The following SGSM1 variants were observed in gnomAD, a reference collection of about 807,000 sequenced individuals.
SGSM1 encodes the protein RUN and TBC1 domain containing 2.
A neutral mutation model predicts 133.8 loss-of-function variants in SGSM1; 73 were observed. The observed-to-expected ratio is 0.55, with a 90% CI of 0.45 to 0.66. The LOEUF is 0.66. Ranked by LOEUF, SGSM1 falls within the 30% of genes least tolerant of loss-of-function variation. SGSM1 has a pLI of 0.00. For synonymous variants in SGSM1, 563 were observed against 573.0 expected, an observed-to-expected ratio of 0.98 and a Z score of 0.25; for missense variants, 1,213 against 1,448.1, an observed-to-expected ratio of 0.84 and a Z score of 2.64.
At chr22:24,837,112 C>T (rs1448550090) in intron 2 of SGSM1, among the ~76,000 whole-genome samples, 4 of 152,114 alleles carry the variant, frequency 2.6e-5, no homozygotes, top group East Asian at 1.9e-4. Context: ...CAGCTGGGCC[C>T]GGGGGACCAC....
chr22:24,821,091 C>T (rs994771648), intron 2 of SGSM1, among the ~76,000 whole-genome samples: 3 of 152,202 alleles, frequency 2.0e-5, no homozygotes, highest in South Asian at 2.1e-4. Context: ...GGCTGGAGCG[C>T]AATGGCGTGA....
intron 15 of SGSM1, 130 bp downstream of exon 15, chr22:24,884,328 G>A: frequency 8.2e-7 from 1 of 1,219,772 alleles, no homozygotes; most frequent in Non-Finnish European, 1.1e-6. Context: ...TATGCAAATT[G>A]GAGTTCCCCT....
chr22:24,902,343 A>G (rs896183257), intron 20 of SGSM1, among the ~76,000 whole-genome samples: 2 of 152,172 alleles, frequency 1.3e-5, no homozygotes, highest in East Asian at 3.9e-4. Context: ...ATTTTTCTTT[A>G]AGCCAAGATC....
At chr22:24,817,388 C>CT (rs1928159472) in intron 2 of SGSM1, among the ~76,000 whole-genome samples, 1 of 151,026 alleles carries the variant, frequency 6.6e-6, no homozygotes, top group Non-Finnish European at 1.5e-5. Context: ...GAGTCTCACT[C>CT]TGTCGCCAGG....
intron 23 of SGSM1, among the ~76,000 whole-genome samples, chr22:24,918,645 C>A (rs1933902383): frequency 6.6e-6 from 1 of 152,130 alleles, no homozygotes; most frequent in Non-Finnish European, 1.5e-5. Context: ...GAAGAAGTAA[C>A]TACCCCAGGC....
At chr22:24,862,829 A>G (rs1036322176) in intron 9 of SGSM1, among the ~76,000 whole-genome samples, 1 of 152,116 alleles carries the variant, frequency 6.6e-6, no homozygotes, top group Non-Finnish European at 1.5e-5. Flanking sequence ...CACCTCAATG[A>G]GCCTCAGGGT....
intron 2 of SGSM1, among the ~76,000 whole-genome samples, chr22:24,809,004 A>G (rs772822634): frequency 7.2e-5 from 11 of 152,230 alleles, no homozygotes; most frequent in Non-Finnish European, 1.0e-4. Flanking sequence ...TGTACAGATG[A>G]GAACACTGTG....
In SGSM1 at chr22:24,874,161, G is replaced by T. The variant is rs1931902395; in HGVS notation, c.1292-2416G>T. Among the ~76,000 whole-genome samples, 3 of 152,196 alleles carry T rather than the reference G, an allele frequency of 2.0e-5. No individual in the cohort carries two copies. The South Asian group carries it at 6.2e-4, about 32-fold the overall frequency. On this transcript the variant is annotated intron_variant, in intron 12 of 24. Coordinates refer to ENST00000400358, the MANE Select transcript of SGSM1 (RefSeq NM_001098497.3). ...AGAGGGAGGATGCATCCCTCACAGG[G>T]TCGTGAAGAACAATAACTGGTTTCC...
At chr22:24,903,402 T>G (rs2123715346) in intron 20 of SGSM1, among the ~76,000 whole-genome samples, 1 of 151,682 alleles carries the variant, frequency 6.6e-6, no homozygotes, top group East Asian at 2.0e-4. Context: ...AGAGATGGGG[T>G]TTCACCATGT....
intron 23 of SGSM1, 61 bp downstream of exon 23, chr22:24,917,815 A>G: frequency 3.5e-6 from 5 of 1,436,044 alleles, no homozygotes; most frequent in Non-Finnish European, 4.8e-6. Context: ...TTCAGGGGAA[A>G]AGATCCCGTG....
chr22:24,825,095 T>C (rs1762320795), intron 2 of SGSM1, among the ~76,000 whole-genome samples: 1 of 152,136 alleles, frequency 6.6e-6, no homozygotes, highest in South Asian at 2.1e-4. Context: ...GGAAGGCTTC[T>C]AGGAGGAGGT....
intron 9 of SGSM1, among the ~76,000 whole-genome samples, chr22:24,865,412 A>G (rs1264653998): frequency 1.3e-5 from 2 of 152,118 alleles, no homozygotes. Context: ...AAGGACATTT[A>G]CTTCCGTGAA....
intron 14 of SGSM1, among the ~76,000 whole-genome samples, chr22:24,881,048 C>T (rs1000624710): frequency 1.1e-4 from 16 of 151,662 alleles, no homozygotes; most frequent in Admixed American, 1.1e-3. Flanking sequence ...AAAAAATTGG[C>T]CGGGCATGGT....
intron 2 of SGSM1, among the ~76,000 whole-genome samples, chr22:24,835,092 C>A (rs1929351280): frequency 2.0e-5 from 3 of 152,138 alleles, no homozygotes; most frequent in Admixed American, 2.0e-4. Flanking sequence ...TCCATACTGC[C>A]CTTGGTGGTG....
intron 3 of SGSM1, among the ~76,000 whole-genome samples, chr22:24,845,946 TTTCTTTCTTTCTTTCTTTCTTTCTTTC>T (rs1930089711): frequency 2.5e-5 from 1 of 39,368 alleles, no homozygotes. Flanking sequence ...TTTTCTTTTC[TTTCTTTCTTTCTTTCTTTCTTTCTTTC>T]TTTCTTTCTT....
Position 24,821,763 on chromosome 22 carries a change from T to C in SGSM1, c.63+15279T>C, listed in dbSNP as rs1928483762. On this transcript the variant is annotated intron_variant, in intron 2 of 24. Transcript: ENST00000400358. ...CCCAAAGTCTGTATTTAAGACTTAT[T>C]AAAGTCTTATTGGAGCAGTTATAGG... Among the ~76,000 whole-genome samples the C allele has an allele frequency of 2.0e-5, 3 of 152,280 alleles. No homozygotes were observed. The Middle Eastern group carries it at 0.01, about 518-fold the overall frequency.
chr22:24,850,700 G>C (rs541125316), intron 5 of SGSM1, among the ~76,000 whole-genome samples: 4 of 152,144 alleles, frequency 2.6e-5, no homozygotes, highest in Admixed American at 6.5e-5. Flanking sequence ...CTAGAGAATC[G>C]CTTAGCCTCT....
At chr22:24,822,339 G>A (rs911741271) in intron 2 of SGSM1, among the ~76,000 whole-genome samples, 3 of 151,898 alleles carry the variant, frequency 2.0e-5, no homozygotes, top group African/African-American at 2.4e-5. Flanking sequence ...TGATCTGCCC[G>A]CCTCGGCCTC....
chr22:24,909,439 A>G (rs552795285), intron 21 of SGSM1, among the ~76,000 whole-genome samples: 2 of 150,190 alleles, frequency 1.3e-5, no homozygotes, highest in South Asian at 4.4e-4. Context: ...TGGCCACTTT[A>G]TTATTTATTT....
Sources: gnomAD v4.1 joint callset for allele counts (sites outside exome capture counted in the v4.1 genomes callset) on GRCh38, gnomAD v4.1.1 for gene constraint, MANE v1.5 for transcripts, NCBI Gene and HGNC (gene_info 2026-07-23, HGNC 2026-07-21) for gene names.